C12orf42: variants seen among roughly 807,000 people sequenced by gnomAD.
C12orf42 encodes chromosome 12 open reading frame 42, also known as uncharacterized protein C12orf42.
Under a neutral mutation model 21.6 loss-of-function variants are expected in C12orf42, and 25 were observed. The observed-to-expected ratio is 1.16, with a 90% CI of 0.84 to 1.62. C12orf42 has a LOEUF of 1.62. C12orf42 is among the 40% of genes most tolerant of loss of function. C12orf42 has a pLI of 0.00. For missense variants in C12orf42, 483 were observed against 459.3 expected, an observed-to-expected ratio of 1.05 and a Z score of -0.47; for synonymous variants, 174 against 175.0, an observed-to-expected ratio of 0.99 and a Z score of 0.05.
At chr12:103,382,690 G>C (rs1274278835) in intron 3 of C12orf42, among the ~76,000 whole-genome samples, 3 of 152,174 alleles carry the variant, frequency 2.0e-5, no homozygotes, top group Admixed American at 2.0e-4. Flanking sequence ...GAGAGCAGGT[G>C]GCTAAACTTG....
chr12:103,405,805 TG>T (rs2048383713), intron 2 of C12orf42, among the ~76,000 whole-genome samples: 1 of 152,240 alleles, frequency 6.6e-6, no homozygotes, highest in Admixed American at 6.5e-5. Context: ...TGCCTTGATG[TG>T]GGGTAGTGTA....
rs542842588 is a variant in C12orf42, at chr12:103,476,175, G to A, written c.78+2174C>T. Among the ~76,000 whole-genome samples the A allele has an allele frequency of 1.8e-4, 28 of 152,254 alleles. No individual in the cohort carries two copies. In the South Asian group the frequency reaches 5.8e-3, roughly 32 times the overall value. ...ATAGATAATGAAAGCAGGCTGATGT[G>A]GGGTAAAATCCCCACCATTCACTAG... On this transcript the variant is annotated intron_variant, in intron 2 of 5. Coordinates refer to ENST00000548883, the MANE Select transcript of C12orf42 (RefSeq NM_198521.5).
chr12:103,132,798 C>G, the C12orf42 span, among the ~76,000 whole-genome samples: 15 of 152,190 alleles, frequency 9.9e-5, no homozygotes, highest in African/African-American at 3.4e-4. Flanking sequence ...GCAGCCACCG[C>G]TACCGCAGCT....
At chr12:103,539,464 C>G in the C12orf42 span, among the ~76,000 whole-genome samples, 1 of 152,096 alleles carries the variant, frequency 6.6e-6, no homozygotes, top group African/African-American at 2.4e-5. Context: ...CAGTTCTGTT[C>G]CCACGCCTCT....
intron 3 of C12orf42, among the ~76,000 whole-genome samples, chr12:103,386,741 C>T (rs557904711): frequency 6.6e-6 from 1 of 152,342 alleles, no homozygotes; most frequent in African/African-American, 2.4e-5. Flanking sequence ...TTTGGTGCAG[C>T]TAGCTTTGAA....
At chr12:103,543,557 G>A in the C12orf42 span, among the ~76,000 whole-genome samples, 1 of 151,814 alleles carries the variant, frequency 6.6e-6, no homozygotes, top group Non-Finnish European at 1.5e-5. Context: ...AGGCTGCAGT[G>A]AGCCATGATC....
chr12:103,455,123 G>T (rs979396977), intron 2 of C12orf42, among the ~76,000 whole-genome samples: 1 of 152,112 alleles, frequency 6.6e-6, no homozygotes, highest in African/African-American at 2.4e-5. Context: ...CTACCTCTCA[G>T]AGGAAAGAAC....
chr12:103,219,293 A>C, the C12orf42 span, among the ~76,000 whole-genome samples: 1 of 152,248 alleles, frequency 6.6e-6, no homozygotes, highest in African/African-American at 2.4e-5. Flanking sequence ...ATAAGAACTA[A>C]AACCATAAAA....
the C12orf42 span, among the ~76,000 whole-genome samples, chr12:103,098,251 T>C: frequency 6.6e-6 from 1 of 152,224 alleles, no homozygotes; most frequent in African/African-American, 2.4e-5. Context: ...CCTGGCCCTG[T>C]GGCCTATTAG....
chr12:103,484,879 T>C (rs113940807), intron 1 of C12orf42, among the ~76,000 whole-genome samples: 1 of 144,250 alleles, frequency 6.9e-6, no homozygotes, highest in Non-Finnish European at 1.5e-5. Flanking sequence ...TTTTTTTTTT[T>C]TTTTTTTTGA....
At chr12:103,132,818 G>T in the C12orf42 span, among the ~76,000 whole-genome samples, 1 of 152,158 alleles carries the variant, frequency 6.6e-6, no homozygotes. Flanking sequence ...TGGGGCCAAA[G>T]CTCAAATGAA....
chr12:103,436,393 A>G (rs190795721), intron 2 of C12orf42, among the ~76,000 whole-genome samples: 13 of 152,270 alleles, frequency 8.5e-5, no homozygotes, highest in East Asian at 7.7e-4. Flanking sequence ...TCAAATTCAC[A>G]CATAAAAATA....
chr12:103,183,789 A>T, the C12orf42 span, among the ~76,000 whole-genome samples: 1 of 152,020 alleles, frequency 6.6e-6, no homozygotes, highest in African/African-American at 2.4e-5. Context: ...CTCTATGTAT[A>T]TTTTTTACTT....
chr12:103,502,879 C>T, the C12orf42 span, among the ~76,000 whole-genome samples: 1 of 152,134 alleles, frequency 6.6e-6, no homozygotes. Context: ...CTGTGGTTCA[C>T]GGCGAGTGTT....
chr12:103,152,543 A>G, the C12orf42 span, among the ~76,000 whole-genome samples: 2 of 152,130 alleles, frequency 1.3e-5, no homozygotes, highest in African/African-American at 4.8e-5. Context: ...AATGAATAAA[A>G]CTGTCATTGT....
the C12orf42 span, among the ~76,000 whole-genome samples, chr12:103,071,630 A>G: frequency 2.0e-5 from 3 of 152,076 alleles, no homozygotes; most frequent in African/African-American, 7.2e-5. Flanking sequence ...AGGAGATCTG[A>G]TGGTTTTATA....
At chr12:103,434,779 A>C (rs1245986140) in intron 2 of C12orf42, among the ~76,000 whole-genome samples, 1 of 152,186 alleles carries the variant, frequency 6.6e-6, no homozygotes, top group African/African-American at 2.4e-5. Context: ...GATTGCTAGC[A>C]CAGCAGTCTG....
At chr12:103,331,275 G>T (rs2041217527) in intron 4 of C12orf42, among the ~76,000 whole-genome samples, 1 of 152,068 alleles carries the variant, frequency 6.6e-6, no homozygotes, top group African/African-American at 2.4e-5. Context: ...GAAATTTACT[G>T]AATATTGTAT....
intron 4 of C12orf42, among the ~76,000 whole-genome samples, chr12:103,293,448 G>T (rs2036952174): frequency 6.6e-6 from 1 of 152,096 alleles, no homozygotes; most frequent in African/African-American, 2.4e-5. Context: ...GTCCCTGGTT[G>T]CTACTTCCAT....
Sources: gnomAD v4.1 joint callset for allele counts (sites outside exome capture counted in the v4.1 genomes callset) on GRCh38, gnomAD v4.1.1 for gene constraint, MANE v1.5 for transcripts, NCBI Gene and HGNC (gene_info 2026-07-23, HGNC 2026-07-21) for gene names.